Variants in PDE11A observed in about 807,000 individuals in gnomAD.
PDE11A encodes the protein dual 3',5'-cyclic-AMP and -GMP phosphodiesterase 11A.
A neutral mutation model predicts 100.5 loss-of-function variants in PDE11A; 100 were observed. The ratio of observed to expected loss-of-function variants is 1.00; its 90% CI spans 0.85 to 1.18. PDE11A has a LOEUF of 1.18. PDE11A is among the 50% of genes most tolerant of loss of function. The pLI is 0.00. For missense variants in PDE11A, 1,141 were observed against 1,152.6 expected (o/e 0.99, Z 0.15); for synonymous variants, 381 against 420.8 (o/e 0.91, Z 1.16).
chr2:177,795,892 T>C (rs1393275077), intron 9 of PDE11A, among the ~76,000 whole-genome samples: 2 of 143,510 alleles, frequency 1.4e-5, no homozygotes, highest in Non-Finnish European at 3.0e-5. Flanking sequence ...TCCCATGTTG[T>C]CTCTGGGGAT....
chr2:177,787,220 T>A (rs2082551080), intron 9 of PDE11A, among the ~76,000 whole-genome samples: 2 of 143,008 alleles, frequency 1.4e-5, no homozygotes, highest in Non-Finnish European at 1.5e-5. Context: ...CAGAAGAGAG[T>A]GGGGGCCAAT....
intron 1 of PDE11A, among the ~76,000 whole-genome samples, chr2:178,016,027 T>C (rs1852498): frequency 0.95 from 143,948 of 152,032 alleles, 68,660 homozygotes; most frequent in East Asian, 1. Flanking sequence ...TGCAGTCATT[T>C]GATCTCGGTT....
chr2:177,904,355 T>A (rs1274899687), intron 3 of PDE11A, among the ~76,000 whole-genome samples: 1 of 152,086 alleles, frequency 6.6e-6, no homozygotes, highest in Non-Finnish European at 1.5e-5. Flanking sequence ...ACCCTTTCAA[T>A]CCAAAAATGG....
chr2:177,711,650 G>A (rs2081360355), intron 13 of PDE11A, 119 bp downstream of exon 13: 3 of 713,856 alleles, frequency 4.2e-6, no homozygotes, highest in Non-Finnish European at 7.8e-6. Flanking sequence ...GCACGCCCAA[G>A]CCTGCATGGC....
rs117227766 is a variant in PDE11A at position 178,035,686 on chromosome 2, A to G, written c.913-21226T>C. Among the ~76,000 whole-genome samples the G allele has an allele frequency of 1.1e-3, 166 of 152,354 alleles. 1 individual carries two copies. The East Asian group carries it at 0.028, about 25-fold the overall frequency. ...TCAAAAAGCTTATCCAACACGATCA[A>G]GTTGGCTTCTTTTGTGGGATGCAAG... On this transcript the variant is annotated intron_variant, in intron 1 of 19. Coordinates refer to ENST00000286063, the MANE Select transcript of PDE11A (RefSeq NM_016953.4).
At chr2:177,988,877 G>A (rs922150208) in intron 2 of PDE11A, among the ~76,000 whole-genome samples, 1 of 152,188 alleles carries the variant, frequency 6.6e-6, no homozygotes, top group Non-Finnish European at 1.5e-5. Context: ...TGAAACCTTT[G>A]TGAGGTCTTC....
chr2:178,057,201 A>T (rs2086910168), intron 1 of PDE11A, among the ~76,000 whole-genome samples: 1 of 152,210 alleles, frequency 6.6e-6, no homozygotes, highest in Non-Finnish European at 1.5e-5. Flanking sequence ...CTGGTCACAG[A>T]TGACTTTAGA....
intron 17 of PDE11A, 150 bp downstream of exon 17, chr2:177,675,305 T>C: frequency 1.5e-6 from 1 of 666,386 alleles, no homozygotes; most frequent in Non-Finnish European, 2.8e-6. Context: ...GTGTCGTGCC[T>C]AAGCCTCCTG....
intron 10 of PDE11A, among the ~76,000 whole-genome samples, chr2:177,763,703 T>C (rs1443818163): frequency 1.3e-5 from 2 of 152,132 alleles, no homozygotes; most frequent in Non-Finnish European, 2.9e-5. Flanking sequence ...TGAGTTTGGG[T>C]AAATGCCATG....
chr2:177,918,515 T>C (rs755632008), intron 2 of PDE11A, among the ~76,000 whole-genome samples: 3 of 152,140 alleles, frequency 2.0e-5, no homozygotes, highest in Admixed American at 6.5e-5. Flanking sequence ...ACCATTAGAA[T>C]TGATAAATAA....
At chr2:178,044,987 G>C (rs1434073537) in intron 1 of PDE11A, among the ~76,000 whole-genome samples, 2 of 152,086 alleles carry the variant, frequency 1.3e-5, no homozygotes, top group Non-Finnish European at 2.9e-5. Flanking sequence ...CAGCCAAACA[G>C]CAAAAAGCTA....
chr2:177,894,607 C>A (rs974904250), intron 4 of PDE11A, among the ~76,000 whole-genome samples: 4 of 152,126 alleles, frequency 2.6e-5, no homozygotes, highest in African/African-American at 9.7e-5. Context: ...TCATACACAG[C>A]TGAGCAGCAT....
chr2:177,947,250 C>T (rs2085453751), intron 2 of PDE11A, among the ~76,000 whole-genome samples: 1 of 132,356 alleles, frequency 7.6e-6, no homozygotes, highest in African/African-American at 2.8e-5. Flanking sequence ...CCGGCCACCA[C>T]CCCGTCTGGG....
intron 6 of PDE11A, among the ~76,000 whole-genome samples, chr2:177,831,117 A>C (rs1438063): frequency 2.0e-5 from 3 of 151,922 alleles, no homozygotes; most frequent in Non-Finnish European, 2.9e-5. Flanking sequence ...ACTATGGCTC[A>C]CCTGCTAAGT....
At chr2:177,863,857 G>T (rs1291894454) in intron 5 of PDE11A, among the ~76,000 whole-genome samples, 1 of 151,950 alleles carries the variant, frequency 6.6e-6, no homozygotes, top group Non-Finnish European at 1.5e-5. Context: ...TACAAGAAAT[G>T]AAATCACCAC....
chr2:177,731,270 G>T (rs115767089), intron 10 of PDE11A, among the ~76,000 whole-genome samples: 36 of 152,152 alleles, frequency 2.4e-4, no homozygotes, highest in African/African-American at 8.4e-4. Context: ...TTTCCTTAGC[G>T]GCCTGATAAT....
intron 12 of PDE11A, among the ~76,000 whole-genome samples, chr2:177,725,156 G>A (rs1270030627): frequency 1.3e-5 from 2 of 152,054 alleles, no homozygotes; most frequent in Admixed American, 6.6e-5. Flanking sequence ...ACCATAGGCC[G>A]AGTCACATTC....
At chr2:178,104,321 T>C in exon 2 of PDE11A, 5 of 1,614,120 alleles carry the variant, frequency 3.1e-6, no homozygotes, top group Non-Finnish European at 4.2e-6. Context: ...TGTTTGCCTC[T>C]GTATAAGAAA....
intron 15 of PDE11A, chr2:177,683,558 A>AGG (rs2080898400): frequency 6.6e-6 from 1 of 152,268 alleles, no homozygotes; most frequent in African/African-American, 2.4e-5. Flanking sequence ...TGTTTGCAGT[A>AGG]GGGAGGAGCC....
Sources: allele counts gnomAD v4.1 joint callset (sites outside exome capture counted in the v4.1 genomes callset), GRCh38; gene constraint gnomAD v4.1.1; transcripts MANE v1.5; gene names NCBI Gene and HGNC (gene_info 2026-07-23, HGNC 2026-07-21).